TNRC6C: variants seen among roughly 807,000 people sequenced by gnomAD.
TNRC6C encodes trinucleotide repeat containing adaptor 6C.
In TNRC6C, 20 loss-of-function variants were observed where a neutral mutation model predicts 153.7. That is an observed-to-expected ratio of 0.13 (90% confidence interval 0.09 to 0.19). The LOEUF (loss-of-function observed/expected upper bound fraction) is 0.19. Among genes scored for constraint, TNRC6C ranks in the 10% least tolerant of loss-of-function variants. The pLI, the probability that TNRC6C is intolerant of heterozygous loss-of-function variation, is 1.00. For synonymous variants in TNRC6C, 811 were observed against 841.4 expected (o/e 0.96, Z 0.63); for missense variants, 1,987 against 2,172.0 (o/e 0.91, Z 1.69).
chr17:78,082,971 A>G (rs1011943798), intron 10 of TNRC6C, 76 bp from the exon 13 acceptor site: 58 of 1,548,344 alleles, frequency 3.7e-5, no homozygotes, highest in Non-Finnish European at 5.1e-5. Flanking sequence ...TCATTTTTGA[A>G]TTTTGAAAAA....
intron 13 of TNRC6C, 124 bp downstream of exon 15, chr17:78,087,217 T>A: frequency 6.9e-7 from 1 of 1,452,980 alleles, no homozygotes; most frequent in South Asian, 1.5e-5. Flanking sequence ...CATAGCCTGT[T>A]GGAAATGCAG....
intron 11 of TNRC6C, 125 bp downstream of exon 13, chr17:78,083,291 A>G: frequency 7.5e-7 from 1 of 1,335,782 alleles, no homozygotes; most frequent in Non-Finnish European, 1.0e-6. Context: ...ACTCTCATGA[A>G]GTATTTAAAC....
rs991760383 is a variant in TNRC6C, at chr17:78,075,446, T to C, written c.3060+168T>C. 21 of 773,754 alleles carry C rather than the reference T, an allele frequency of 2.7e-5. No individual in the cohort carries two copies. In the African/African-American group the frequency reaches 3.5e-4, roughly 13 times the overall value. The allele number at this position is 773,754 out of a possible 1,614,324, so 47.9% of individuals were successfully genotyped here. A position where few individuals can be genotyped will look rare whatever the true frequency, so the allele number is the denominator to read the frequency against. The stretch of plus-strand genomic sequence containing the variant: ...TGAACATTTAACTCAAAGAAGGGAA[T>C]GTCGTATTTCATAAGATGTTACTGA... On this transcript the variant is annotated intron_variant, in intron 8 of 19. Coordinates refer to ENST00000301624, the Ensembl canonical transcript of TNRC6C. This position sits in a 1 kb window ranked among gnomAD's most constrained non-coding sequence, Gnocchi z 4.2.
chr17:78,041,778 A>G (rs996563345), intron 2 of TNRC6C, among the ~76,000 whole-genome samples: 1 of 152,236 alleles, frequency 6.6e-6, no homozygotes, highest in Non-Finnish European at 1.5e-5. Flanking sequence ...TTGTGGTATC[A>G]GTAAGCCTTA....
chr17:77,991,850 C>T (rs1028554081), intron 1 of TNRC6C, among the ~76,000 whole-genome samples: 4 of 152,132 alleles, frequency 2.6e-5, no homozygotes, highest in African/African-American at 4.8e-5. Flanking sequence ...AGGGATACAG[C>T]GTGGTATGGA....
intron 1 of TNRC6C, among the ~76,000 whole-genome samples, chr17:78,013,509 A>G (rs371395192): frequency 2.6e-5 from 4 of 152,338 alleles, no homozygotes; most frequent in South Asian, 2.1e-4. Flanking sequence ...AGCACCTGCT[A>G]TTTGCTTGGT....
Position 78,104,527 on chromosome 17 carries a change from TGAA to T in TNRC6C, c.4763_4765del (p.Glu1588del), listed in dbSNP as rs760897567. 7.8e-6 allele frequency: 12 copies of T among 1,534,960 alleles called. No individual in the cohort carries two copies. Among genetic ancestry groups the T allele is most frequent in the East Asian group, 2.4e-5 (1 of 41,310 alleles). On this transcript the variant is annotated inframe_deletion, in exon 20 of 20. Coordinates refer to ENST00000301624, the Ensembl canonical transcript of TNRC6C. This position sits in a 1 kb window ranked among gnomAD's most constrained non-coding sequence, Gnocchi z 6.2. Reference sequence around the variant, plus strand: ...CTACCATCCTGGCCGAGTTCGCTGGTGAAGAAGAAGTGAATCGCTTCTTAGCCC... The same window carrying T: ...CTACCATCCTGGCCGAGTTCGCTGGTGAAGAAGTGAATCGCTTCTTAGCCC...
At chr17:78,098,908 G>A (rs528402059) in intron 17 of TNRC6C, among the ~76,000 whole-genome samples, 26 of 152,214 alleles carry the variant, frequency 1.7e-4, no homozygotes, top group Admixed American at 1.0e-3. Context: ...ACTCCCCTTC[G>A]CACAGGGATC....
At chr17:78,000,824 T>C (rs2071402444), upstream of TNRC6C, among the ~76,000 whole-genome samples, 1 of 152,154 alleles carries the variant, frequency 6.6e-6, no homozygotes, top group Non-Finnish European at 1.5e-5. Context: ...CTTTTACAAA[T>C]ATAGGAAGTA....
At chr17:77,971,013 A>G (rs1313853845) in intron 1 of TNRC6C, among the ~76,000 whole-genome samples, 1 of 152,142 alleles carries the variant, frequency 6.6e-6, no homozygotes, top group African/African-American at 2.4e-5. Context: ...AGAAAAAAAA[A>G]GAAAGAAAAG....
chr17:78,103,697 T>G, intron 19 of TNRC6C, 144 bp downstream of exon 22: 4 of 1,227,060 alleles, frequency 3.3e-6, no homozygotes, highest in Non-Finnish European at 4.4e-6. Context: ...AGGCTGGAAG[T>G]CTGATACCCA....
intron 16 of TNRC6C, 81 bp from the exon 19 acceptor site, chr17:78,097,663 TG>T: frequency 1.0e-6 from 1 of 971,980 alleles, no homozygotes; most frequent in South Asian, 1.8e-5. Flanking sequence ...GGTTGATTCC[TG>T]ATGGTTCTCA....
chr17:78,079,307 C>A lies in TNRC6C; in HGVS notation c.3211-88C>A. The A allele has an allele frequency of 6.5e-7, 1 of 1,548,364 alleles. No individual in the cohort carries two copies. Among genetic ancestry groups the A allele is most frequent in the Non-Finnish European group, 8.8e-7 (1 of 1,139,380 alleles). On this transcript the variant is annotated intron_variant, in intron 9 of 19. Coordinates refer to ENST00000301624, the Ensembl canonical transcript of TNRC6C. The surrounding 1 kb of genome is among the most constrained non-coding windows in gnomAD (Gnocchi z 4.3). Reference sequence around the variant, plus strand: ...TAGGAAGTAGAAACAATTTTGCATTCACTTGAAATAGATCATTTCACCCTA... The same window carrying A: ...TAGGAAGTAGAAACAATTTTGCATTAACTTGAAATAGATCATTTCACCCTA...
At position 78,079,328 on chromosome 17, in the gene TNRC6C, C is replaced by A; in HGVS notation, c.3211-67C>A. On this transcript the variant is annotated intron_variant, in intron 9 of 19. Transcript: ENST00000301624. The surrounding 1 kb of genome is among the most constrained non-coding windows in gnomAD (Gnocchi z 4.3). ...CATTCACTTGAAATAGATCATTTCA[C>A]CCTACCTCCAAACAATGTTACTCTA... The A allele has an allele frequency of 6.3e-7, 1 of 1,585,026 alleles. No individual in the cohort carries two copies. Among genetic ancestry groups the A allele is most frequent in the Non-Finnish European group, 8.6e-7 (1 of 1,158,804 alleles).
At position 78,011,189 on chromosome 17, in the gene TNRC6C, C is replaced by CT. The variant is rs1322595891; in HGVS notation, c.-546+6113dup. Among the ~76,000 whole-genome samples the CT allele has an allele frequency of 2.6e-5, 4 of 152,150 alleles. No individual in the cohort carries two copies. In the East Asian group the frequency reaches 7.7e-4, roughly 29 times the overall value. On this transcript the variant is annotated intron_variant, in intron 1 of 19. Transcript: ENST00000301624. Reference sequence around the variant, plus strand: ...CTTTTCTGTGTTTTTTTAAAAACAACTTTATTGAGTTATTGTGGACATTAT... The same window carrying CT: ...CTTTTCTGTGTTTTTTTAAAAACAACTTTTATTGAGTTATTGTGGACATTAT...
intron 6 of TNRC6C, among the ~76,000 whole-genome samples, chr17:78,072,339 T>C (rs143126039): frequency 6.6e-6 from 1 of 152,380 alleles, no homozygotes; most frequent in African/African-American, 2.4e-5. Flanking sequence ...TGTTTTGTTT[T>C]TCTGTTTCTT....
In TNRC6C at chr17:78,083,178, G is replaced by T; in HGVS notation, c.3477+12G>T. On this transcript the variant is annotated intron_variant, in intron 11 of 19. Coordinates refer to ENST00000301624, the Ensembl canonical transcript of TNRC6C. ...ATCAGCTGCAGCTGGTGAGTGGATA[G>T]ACCCATGCAAGTTAGAGCACGCAGG... The T allele has an allele frequency of 6.2e-7, 1 of 1,613,618 alleles. No individual in the cohort carries two copies. Among genetic ancestry groups the T allele is most frequent in the South Asian group, 1.1e-5 (1 of 91,074 alleles).
intron 5 of TNRC6C, among the ~76,000 whole-genome samples, chr17:78,069,922 A>C (rs2072959465): frequency 6.6e-6 from 1 of 152,216 alleles, no homozygotes; most frequent in Non-Finnish European, 1.5e-5. Context: ...GGAAGGGCAA[A>C]TAAGAAACTG....
intron 3 of TNRC6C, among the ~76,000 whole-genome samples, chr17:78,056,583 C>T (rs2072659850): frequency 6.6e-6 from 1 of 151,916 alleles, no homozygotes; most frequent in Admixed American, 6.6e-5. Context: ...CGTGCCTCAG[C>T]CTCCCGAGTA....
Sources: allele counts gnomAD v4.1 joint callset (sites outside exome capture counted in the v4.1 genomes callset), GRCh38; gene constraint gnomAD v4.1.1; non-coding constraint Gnocchi (gnomAD v3.1); transcripts MANE v1.5; gene names NCBI Gene and HGNC (gene_info 2026-07-23, HGNC 2026-07-21).